The following DPP10 variants were observed in gnomAD, a reference collection of about 807,000 sequenced individuals.
The protein encoded by DPP10 is inactive dipeptidyl peptidase 10.
Under a neutral mutation model 120.9 loss-of-function variants are expected in DPP10, and 33 were observed. The ratio of observed to expected loss-of-function variants is 0.27; its 90% CI spans 0.21 to 0.37. DPP10 has a LOEUF of 0.37. Ranked by LOEUF, DPP10 falls within the 10% of genes least tolerant of loss-of-function variation. The pLI is 1.00. For synonymous variants in DPP10, 337 were observed against 326.1 expected, an observed-to-expected ratio of 1.03 and a Z score of -0.36; for missense variants, 816 against 942.8, an observed-to-expected ratio of 0.87 and a Z score of 1.76.
chr2:115,488,920 G>A (rs571027237), intron 3 of DPP10, among the ~76,000 whole-genome samples: 3 of 149,306 alleles, frequency 2.0e-5, no homozygotes, highest in African/African-American at 7.4e-5. Context: ...CTCATGCCAT[G>A]TTGTAAAACA....
At chr2:114,873,115 G>C (rs1024451649) in intron 1 of DPP10, among the ~76,000 whole-genome samples, 3 of 152,202 alleles carry the variant, frequency 2.0e-5, no homozygotes, top group Non-Finnish European at 4.4e-5. Context: ...TCTGCACTGA[G>C]AGCATCATTC....
chr2:114,527,620 A>G (rs1217774092), intron 1 of DPP10, among the ~76,000 whole-genome samples: 2 of 152,168 alleles, frequency 1.3e-5, no homozygotes, highest in Non-Finnish European at 2.9e-5. Flanking sequence ...GGGGATTCTG[A>G]TTAGAGGATC....
intron 19 of DPP10, among the ~76,000 whole-genome samples, chr2:115,803,142 T>A (rs570589551): frequency 1.3e-5 from 2 of 152,196 alleles, no homozygotes; most frequent in African/African-American, 4.8e-5. Context: ...ATATTTAGGA[T>A]AGTTAGTTCT....
intron 1 of DPP10, among the ~76,000 whole-genome samples, chr2:115,153,932 C>T (rs1213296360): frequency 6.6e-6 from 1 of 152,050 alleles, no homozygotes; most frequent in African/African-American, 2.4e-5. Context: ...TATTTGTATA[C>T]CCCATCTATC....
chr2:115,350,711 ACTTC>A (rs2063970115), intron 3 of DPP10, among the ~76,000 whole-genome samples: 1 of 152,078 alleles, frequency 6.6e-6, no homozygotes, highest in Non-Finnish European at 1.5e-5. Flanking sequence ...CAGCAGTTTC[ACTTC>A]CTTCTTTCCC....
intron 1 of DPP10, among the ~76,000 whole-genome samples, chr2:115,149,154 C>T (rs1284622115): frequency 2.0e-5 from 3 of 152,116 alleles, no homozygotes; most frequent in South Asian, 2.1e-4. Context: ...GCAGCAGGAA[C>T]CTTGATCAAA....
chr2:114,543,282 G>T (rs1225348898), intron 1 of DPP10, among the ~76,000 whole-genome samples: 3 of 152,266 alleles, frequency 2.0e-5, no homozygotes, highest in African/African-American at 7.2e-5. Flanking sequence ...CTTGTTTTCA[G>T]CACTTAACTG....
intron 5 of DPP10, among the ~76,000 whole-genome samples, chr2:115,565,462 AAATT>A (rs576050164): frequency 9.4e-4 from 143 of 152,336 alleles, no homozygotes; most frequent in African/African-American, 3.3e-3. Flanking sequence ...ATAAAAAAGA[AAATT>A]AATGTACGTA....
intron 1 of DPP10, among the ~76,000 whole-genome samples, chr2:114,744,692 A>T (rs1198508374): frequency 6.6e-6 from 1 of 152,212 alleles, no homozygotes; most frequent in Non-Finnish European, 1.5e-5. Context: ...GTGTTTGTAC[A>T]GTTCTTTGGC....
chr2:114,669,541 T>TA (rs1461535916), intron 1 of DPP10, among the ~76,000 whole-genome samples: 1 of 152,178 alleles, frequency 6.6e-6, no homozygotes, highest in Non-Finnish European at 1.5e-5. Flanking sequence ...AGGTTGACAG[T>TA]ATTGAATTGA....
chr2:115,012,424 A>T (rs569123672), intron 1 of DPP10, among the ~76,000 whole-genome samples: 1 of 152,178 alleles, frequency 6.6e-6, no homozygotes, highest in South Asian at 2.1e-4. Flanking sequence ...ACCCTCACAG[A>T]TTCCACTTCA....
Position 115,660,655 on chromosome 2 carries a change from C to CTTTTTTTTTTTTTTTTTTTTTTTTTTTT in DPP10, c.442-29008_442-29007insTTTTTTTTTTTTTTTTTTTTTTTTTTTT. On this transcript the variant is annotated intron_variant, in intron 5 of 25. Coordinates refer to ENST00000410059, the MANE Select transcript of DPP10 (RefSeq NM_020868.6). The stretch of plus-strand genomic sequence containing the variant: ...CCTTCCTTTCATTCTCTCTGTCTGG[C>CTTTTTTTTTTTTTTTTTTTTTTTTTTTT]TTTTTTTTTTTTTTTTTTTTTTTTG... Among the ~76,000 whole-genome samples, 67 of 25,322 alleles carry CTTTTTTTTTTTTTTTTTTTTTTTTTTTT rather than the reference C, an allele frequency of 2.6e-3. 4 individuals carry two copies. The highest frequency in any genetic ancestry group is 3.6e-3 in the Non-Finnish European group (41 of 11,518). The allele number at this position is 25,322 out of a possible 152,430, so 16.6% of individuals were successfully genotyped here.
At chr2:115,818,941 C>T (rs950830005) in intron 21 of DPP10, among the ~76,000 whole-genome samples, 1 of 152,150 alleles carries the variant, frequency 6.6e-6, no homozygotes, top group Non-Finnish European at 1.5e-5. Context: ...AACAAATATG[C>T]ATATCTGTGA....
chr2:115,665,641 A>G (rs1157518688), intron 5 of DPP10, among the ~76,000 whole-genome samples: 1 of 152,138 alleles, frequency 6.6e-6, no homozygotes, highest in Admixed American at 6.6e-5. Context: ...GTATCTTGCT[A>G]TATTTTACCC....
rs540006403 is a variant in DPP10, at chr2:115,501,655, G to A, written c.366+2051G>A. 5.3e-5 allele frequency among the ~76,000 whole-genome samples: 8 copies of A among 151,996 alleles called. No homozygotes were observed. In the East Asian group the frequency reaches 1.5e-3, roughly 29 times the overall value. On this transcript the variant is annotated intron_variant, in intron 4 of 25. Transcript: ENST00000410059. ...CCTAGAGGTGTCTAAATTCGATGTC[G>A]GGCAGGGGTTAGGGGAGTGGAAGGT...
intron 5 of DPP10, among the ~76,000 whole-genome samples, chr2:115,686,792 T>A (rs2091012338): frequency 6.6e-6 from 1 of 152,060 alleles, no homozygotes. Flanking sequence ...GCCTTTTCCA[T>A]AACTATTCAC....
At chr2:114,578,242 A>G (rs527686644) in intron 1 of DPP10, among the ~76,000 whole-genome samples, 1 of 152,214 alleles carries the variant, frequency 6.6e-6, no homozygotes. Flanking sequence ...TATGTAATGC[A>G]CAAGTATATT....
At chr2:115,371,669 G>C (rs2065420374) in intron 3 of DPP10, among the ~76,000 whole-genome samples, 1 of 151,994 alleles carries the variant, frequency 6.6e-6, no homozygotes, top group Non-Finnish European at 1.5e-5. Context: ...AGAATGCTGT[G>C]ATGTTAATTT....
At chr2:114,679,006 T>C (rs914984111) in intron 1 of DPP10, among the ~76,000 whole-genome samples, 8 of 152,040 alleles carry the variant, frequency 5.3e-5, no homozygotes, top group African/African-American at 1.4e-4. Flanking sequence ...TCCAAACAAT[T>C]TGAGACCCTC....
Sources: gnomAD v4.1 joint callset for allele counts (sites outside exome capture counted in the v4.1 genomes callset) on GRCh38, gnomAD v4.1.1 for gene constraint, MANE v1.5 for transcripts, NCBI Gene and HGNC (gene_info 2026-07-23, HGNC 2026-07-21) for gene names.